Variants in SLC26A4 observed in about 807,000 individuals in gnomAD.
SLC26A4 encodes the protein solute carrier family 26 member 4.
A neutral mutation model predicts 90.4 loss-of-function variants in SLC26A4; 93 were observed. That is an observed-to-expected ratio of 1.03 (90% CI 0.87 to 1.22). SLC26A4 has a LOEUF of 1.22. SLC26A4 is among the 50% of genes most tolerant of loss of function. SLC26A4 has a pLI of 0.00. For missense variants in SLC26A4, 1,127 were observed against 946.2 expected (o/e 1.19, Z -2.51); for synonymous variants, 393 against 354.6 (o/e 1.11, Z -1.22).
rs1220216335 is a variant in SLC26A4, at chr7:107,695,990, C to A, written c.1495C>A (p.Leu499Ile). The A allele has an allele frequency of 1.2e-6, 2 of 1,612,856 alleles. No homozygotes were observed. The highest frequency in any genetic ancestry group is 3.3e-5 in the Admixed American group (2 of 59,994). Residue 499 changes from leucine (L) to isoleucine (I), a missense_variant, in exon 13 of 21, where the codon CTA becomes ATA. Coordinates refer to ENST00000644269, the MANE Select transcript of SLC26A4 (RefSeq NM_000441.2). Reference protein sequence around the residue: ...SIILGLDLGLLAGLIFGLLTV... With the variant: ...SIILGLDLGLIAGLIFGLLTV... ...CATTCTGGGGCTGGATCTCGGTTTA[C>A]TAGCTGGCCTTATATTTGGACTGTT...
At chr7:107,713,652 C>A (rs992772523) in intron 20 of SLC26A4, among the ~76,000 whole-genome samples, 1 of 152,202 alleles carries the variant, frequency 6.6e-6, no homozygotes, top group African/African-American at 2.4e-5. Flanking sequence ...CATGACCTAC[C>A]TTGATCTCAT....
In SLC26A4 at chr7:107,704,384, A is replaced by C. The variant is rs1325706971; in HGVS notation, c.2088A>C (p.Gln696His). 1 of 1,258,456 alleles carries C rather than the reference A, an allele frequency of 7.9e-7. No individual in the cohort carries two copies. Among genetic ancestry groups the C allele is most frequent in the South Asian group, 1.2e-5 (1 of 82,266 alleles). The allele number at this position is 1,258,456 out of a possible 1,614,324, so 78.0% of individuals were successfully genotyped here. A position where few individuals can be genotyped will look rare whatever the true frequency, so the allele number is the denominator to read the frequency against. ...IDVNVYFASL[Q>H]DYVIEKLEQC... is the part of the protein sequence containing the mutation. ...TGAATGTGTATTTTGCATCACTTCA[A>C]GGTAAATACATATATCTACATATCT... is the stretch of plus-strand genomic sequence containing the variant. Residue 696 changes from glutamine to histidine, a missense_variant and splice_region_variant, in exon 18 of 21, where the codon CAA (glutamine) becomes CAC (histidine). By Grantham distance (24) the Gln-to-His change is conservative (BLOSUM62 0). Coordinates refer to ENST00000644269, the MANE Select transcript of SLC26A4 (RefSeq NM_000441.2).
At chr7:107,669,811 G>T (rs1311395334) in intron 3 of SLC26A4, among the ~76,000 whole-genome samples, 1 of 152,112 alleles carries the variant, frequency 6.6e-6, no homozygotes, top group African/African-American at 2.4e-5. Flanking sequence ...CTACCATACA[G>T]ATAACCCATT....
In SLC26A4 at chr7:107,713,688, A is replaced by G. The variant is rs143890829; in HGVS notation, c.2319+1066A>G. Among the ~76,000 whole-genome samples, 769 of 152,288 alleles carry G rather than the reference A, an allele frequency of 5.0e-3. 5 individuals carry two copies. Among genetic ancestry groups the G allele is most frequent in the African/African-American group, 0.017 (723 of 41,548 alleles). On this transcript the variant is annotated intron_variant, in intron 20 of 20. Coordinates refer to ENST00000644269, the MANE Select transcript of SLC26A4 (RefSeq NM_000441.2). ...CAAGATATTCCTATTACTACAGCTT[A>G]AAAATGTGTTTCCTTTCATAATAGC...
At chr7:107,693,090 G>C (rs539825178) in intron 10 of SLC26A4, 31 of 158,182 alleles carry the variant, frequency 2.0e-4, no homozygotes, top group Non-Finnish European at 3.5e-4. Flanking sequence ...TGCATGCAAG[G>C]AAGGAAGGGA....
At chr7:107,673,809 G>C (rs1163635546) in intron 4 of SLC26A4, among the ~76,000 whole-genome samples, 1 of 152,072 alleles carries the variant, frequency 6.6e-6, no homozygotes, top group Non-Finnish European at 1.5e-5. Flanking sequence ...GCTCACTGCA[G>C]CCTCCACCTC....
chr7:107,675,154 A>G (rs370846232), intron 6 of SLC26A4, 45 bp downstream of exon 6: 78 of 1,580,708 alleles, frequency 4.9e-5, no homozygotes, highest in Non-Finnish European at 5.7e-5. Context: ...TGTTCATTCC[A>G]GAAACAATTG....
Position 107,717,593 on chromosome 7 carries a change from G to A in SLC26A4, c.*2147G>A, listed in dbSNP as rs886061894. ...CTTCTATGTATTTTGTGAATAGTAAGCATAATTTTAGTTTTGTATTATCAA... is the reference window on the plus strand; with the variant it reads ...CTTCTATGTATTTTGTGAATAGTAAACATAATTTTAGTTTTGTATTATCAA... On this transcript the variant is annotated 3_prime_UTR_variant, in exon 21 of 21. Coordinates refer to ENST00000644269, the MANE Select transcript of SLC26A4 (RefSeq NM_000441.2). 1 of 152,520 alleles carries A rather than the reference G, an allele frequency of 6.6e-6. No individual in the cohort carries two copies. The highest frequency in any genetic ancestry group is 1.5e-5 in the Non-Finnish European group (1 of 68,014). The allele number at this position is 152,520 out of a possible 1,614,324, so 9.4% of individuals were successfully genotyped here. A position where few individuals can be genotyped will look rare whatever the true frequency, so the allele number is the denominator to read the frequency against.
intron 6 of SLC26A4, among the ~76,000 whole-genome samples, chr7:107,680,267 CTTA>C (rs1791184522): frequency 2.6e-5 from 3 of 113,908 alleles, no homozygotes; most frequent in East Asian, 2.5e-4. Context: ...ATAATCTTAT[CTTA>C]TTATATAATA....
chr7:107,702,643 C>T (rs1791928568), intron 17 of SLC26A4, among the ~76,000 whole-genome samples: 1 of 149,114 alleles, frequency 6.7e-6, no homozygotes. Context: ...TGAGATTGTG[C>T]CACTGTACTC....
chr7:107,697,610 G>A (rs1791775352), intron 13 of SLC26A4, among the ~76,000 whole-genome samples: 1 of 152,220 alleles, frequency 6.6e-6, no homozygotes, highest in Admixed American at 6.5e-5. Context: ...GGCACTGGAA[G>A]ACCCAGGGGT....
At chr7:107,712,010 T>A (rs2129320307) in intron 19 of SLC26A4, among the ~76,000 whole-genome samples, 1 of 152,370 alleles carries the variant, frequency 6.6e-6, no homozygotes, top group South Asian at 2.1e-4. Context: ...GTCGTTGGTT[T>A]CCTCTGTGTA....
chr7:107,686,454 T>TTTCTTTC (rs1181126536), intron 8 of SLC26A4, among the ~76,000 whole-genome samples: 1 of 44,226 alleles, frequency 2.3e-5, no homozygotes. Context: ...TCTTTCTTTC[T>TTTCTTTC]TTTCTTTCTT....
chr7:107,694,288 G>C (rs1314667104), intron 10 of SLC26A4, 115 bp from the exon 11 acceptor site: 5 of 786,946 alleles, frequency 6.4e-6, no homozygotes, highest in Non-Finnish European at 1.1e-5. Flanking sequence ...AGAAGGGGGA[G>C]ACAGGGAAGT....
chr7:107,662,007 GC>G lies in SLC26A4; in HGVS notation c.164+205del. 4.9e-6 allele frequency: 3 copies of G among 616,388 alleles called. No homozygotes were observed. In the South Asian group the frequency reaches 6.0e-5, roughly 12 times the overall value. 38.2% of individuals were successfully genotyped at this position (616,388 alleles called of 1,614,324 possible). On this transcript the variant is annotated intron_variant, in intron 2 of 20. Transcript: ENST00000644269. ...GGGAGGGTGGCTCCATCAGTCTCGG[GC>G]CCGAAATGAACTTACCTGGGAAACT...
intron 18 of SLC26A4, among the ~76,000 whole-genome samples, chr7:107,708,131 T>C (rs1792078771): frequency 2.0e-5 from 3 of 152,228 alleles, no homozygotes; most frequent in Admixed American, 1.3e-4. Context: ...GCCCACACTT[T>C]AGCCTTCCAT....
rs1371430113 is a variant in SLC26A4, at chr7:107,716,719, A to G, written c.*1273A>G. ...AAGTTGTACTTCATTTCTAGAGAAA[A>G]GTTATACCCAGGTCCCCAATTGAGA... On this transcript the variant is annotated 3_prime_UTR_variant, in exon 21 of 21. Coordinates refer to ENST00000644269, the MANE Select transcript of SLC26A4 (RefSeq NM_000441.2). 6.6e-6 allele frequency: 1 copy of G among 152,102 alleles called. No individual in the cohort carries two copies. Among genetic ancestry groups the G allele is most frequent in the African/African-American group, 2.4e-5 (1 of 41,406 alleles). The allele number at this position is 152,102 out of a possible 1,614,324, so 9.4% of individuals were successfully genotyped here. A position where few individuals can be genotyped will look rare whatever the true frequency, so the allele number is the denominator to read the frequency against.
chr7:107,680,698 G>A (rs962962960), intron 6 of SLC26A4, among the ~76,000 whole-genome samples: 7 of 151,778 alleles, frequency 4.6e-5, no homozygotes, highest in Non-Finnish European at 1.0e-4. Context: ...TTTGAACCTC[G>A]TGTTACATTT....
intron 8 of SLC26A4, among the ~76,000 whole-genome samples, chr7:107,686,393 C>T (rs1276646303): frequency 8.4e-5 from 12 of 142,588 alleles, no homozygotes; most frequent in East Asian, 2.1e-4. Flanking sequence ...TTCCTTCCTT[C>T]CTCTCTCTCT....
Sources: gnomAD v4.1 joint callset for allele counts (sites outside exome capture counted in the v4.1 genomes callset) on GRCh38, gnomAD v4.1.1 for gene constraint, MANE v1.5 for transcripts, NCBI Gene and HGNC (gene_info 2026-07-23, HGNC 2026-07-21) for gene names.